ATXN1: variants seen among roughly 807,000 people sequenced by gnomAD.
The protein encoded by ATXN1 is ataxin 1, also known as ataxin-1.
ATXN1 carries 8 observed loss-of-function variants against 56.4 expected under a neutral mutation model. The observed-to-expected ratio is 0.14, with a 90% CI of 0.08 to 0.26. ATXN1 has a LOEUF of 0.26. Ranked by LOEUF, ATXN1 falls within the 10% of genes least tolerant of loss-of-function variation. The pLI, the probability that ATXN1 is intolerant of heterozygous loss-of-function variation, is 1.00. For synonymous variants in ATXN1, 514 were observed against 494.6 expected (o/e 1.04, Z -0.52); for missense variants, 987 against 1,106.5 (o/e 0.89, Z 1.53).
At chr6:16,342,724 T>C (rs889093668) in intron 6 of ATXN1, among the ~76,000 whole-genome samples, 1 of 152,256 alleles carries the variant, frequency 6.6e-6, no homozygotes, top group Non-Finnish European at 1.5e-5. Flanking sequence ...TTACATGCTA[T>C]GACATTGATA....
chr6:16,511,501 T>C (rs546500830), intron 5 of ATXN1, among the ~76,000 whole-genome samples: 5 of 152,326 alleles, frequency 3.3e-5, no homozygotes, highest in African/African-American at 1.2e-4. Flanking sequence ...GATTGACATA[T>C]GTTTCCTTCA....
intron 2 of ATXN1, among the ~76,000 whole-genome samples, chr6:16,736,556 C>G (rs1760140996): frequency 6.6e-6 from 1 of 152,100 alleles, no homozygotes. Flanking sequence ...GTACAATTAG[C>G]CAAAACTGAA....
intron 4 of ATXN1, among the ~76,000 whole-genome samples, chr6:16,569,528 G>GAAAAAAAAAA (rs60416047): frequency 1.0e-5 from 1 of 96,404 alleles, no homozygotes; most frequent in Admixed American, 1.2e-4. Context: ...CTCCGTCTCA[G>GAAAAAAAAAA]AAAAAAAAAA....
chr6:16,714,183 A>ACACACC (rs1759589361), intron 2 of ATXN1, among the ~76,000 whole-genome samples: 1 of 60,538 alleles, frequency 1.7e-5, no homozygotes, highest in South Asian at 4.2e-4. Flanking sequence ...ACCACACACC[A>ACACACC]CACACACACA....
At chr6:16,448,894 C>A (rs10484362) in intron 6 of ATXN1, among the ~76,000 whole-genome samples, 63,452 of 152,038 alleles carry the variant, frequency 0.42, 14,389 homozygotes, top group East Asian at 0.81. Context: ...GGCTCTACAT[C>A]TTCAAGATTT....
intron 3 of ATXN1, among the ~76,000 whole-genome samples, chr6:16,598,516 A>G (rs1038858983): frequency 1.3e-5 from 2 of 152,190 alleles, no homozygotes; most frequent in African/African-American, 4.8e-5. Context: ...CCTCAAGTTC[A>G]TCCGCTGTAA....
intron 6 of ATXN1, among the ~76,000 whole-genome samples, chr6:16,373,436 A>G (rs1762084496): frequency 6.6e-6 from 1 of 152,280 alleles, no homozygotes; most frequent in East Asian, 1.9e-4. Context: ...GATCTGTCCC[A>G]CACACGTGTC....
intron 5 of ATXN1, among the ~76,000 whole-genome samples, chr6:16,515,978 G>A (rs1249947489): frequency 6.6e-6 from 1 of 152,200 alleles, no homozygotes; most frequent in South Asian, 2.1e-4. Flanking sequence ...GATGGGACCA[G>A]ATGACTTGTG....
At chr6:16,756,767 TAC>T (rs1288411250) in intron 1 of ATXN1, among the ~76,000 whole-genome samples, 9 of 152,356 alleles carry the variant, frequency 5.9e-5, no homozygotes, top group African/African-American at 2.2e-4. Flanking sequence ...TTCAGATAAC[TAC>T]AGTTTAAAGA....
intron 3 of ATXN1, among the ~76,000 whole-genome samples, chr6:16,586,312 CTCTTTCTCTA>C (rs1762623568): frequency 6.6e-6 from 1 of 152,220 alleles, no homozygotes; most frequent in African/African-American, 2.4e-5. Flanking sequence ...ATTTGATGCT[CTCTTTCTCTA>C]AGACTCCTTC....
chr6:16,380,687 G>C (rs1758085929), intron 6 of ATXN1, among the ~76,000 whole-genome samples: 1 of 152,032 alleles, frequency 6.6e-6, no homozygotes, highest in Non-Finnish European at 1.5e-5. Flanking sequence ...GGGAGTGTGA[G>C]ATTACATCAC....
intron 6 of ATXN1, among the ~76,000 whole-genome samples, chr6:16,422,750 G>A (rs559462297): frequency 6.6e-6 from 1 of 152,216 alleles, no homozygotes; most frequent in African/African-American, 2.4e-5. Context: ...TAGGGAAAAC[G>A]CTACAAAAAA....
At chr6:16,490,617 C>G (rs235149) in intron 5 of ATXN1, among the ~76,000 whole-genome samples, 34,045 of 152,126 alleles carry the variant, frequency 0.22, 4,229 homozygotes, top group East Asian at 0.34. Flanking sequence ...ATGTCTGATA[C>G]AGTTCACTAG....
chr6:16,706,059 T>C (rs1265219363), intron 2 of ATXN1, among the ~76,000 whole-genome samples: 2 of 152,104 alleles, frequency 1.3e-5, no homozygotes, highest in Admixed American at 6.6e-5. Context: ...AAACTGCTTA[T>C]TGCTCCTTCA....
At chr6:16,409,375 A>T (rs1758751666) in intron 6 of ATXN1, among the ~76,000 whole-genome samples, 1 of 152,134 alleles carries the variant, frequency 6.6e-6, no homozygotes, top group South Asian at 2.1e-4. Context: ...CTTGCTGGCC[A>T]GGCACCGTGG....
intron 7 of ATXN1, among the ~76,000 whole-genome samples, chr6:16,308,656 G>A (rs1326335613): frequency 6.6e-6 from 1 of 152,134 alleles, no homozygotes; most frequent in African/African-American, 2.4e-5. Flanking sequence ...CTGAAGCTCA[G>A]ATTGACTCAT....
chr6:16,465,398 C>T (rs1198739512), intron 6 of ATXN1, among the ~76,000 whole-genome samples: 5 of 151,970 alleles, frequency 3.3e-5, no homozygotes, highest in African/African-American at 7.3e-5. Context: ...CGGAGGTTGC[C>T]GTGAGCCAAG....
intron 4 of ATXN1, among the ~76,000 whole-genome samples, chr6:16,573,526 A>G (rs1009667441): frequency 1.3e-5 from 2 of 151,776 alleles, no homozygotes; most frequent in African/African-American, 4.8e-5. Context: ...CCCTACATAC[A>G]TTGTCACCGG....
At chr6:16,657,233 C>T (rs1448642647) in intron 3 of ATXN1, among the ~76,000 whole-genome samples, 5 of 152,054 alleles carry the variant, frequency 3.3e-5, no homozygotes, top group South Asian at 2.1e-4. Flanking sequence ...GTGATCCGCG[C>T]GCCTCGGCCT....
Sources: allele counts gnomAD v4.1 joint callset (sites outside exome capture counted in the v4.1 genomes callset), GRCh38; gene constraint gnomAD v4.1.1; transcripts MANE v1.5; gene names NCBI Gene and HGNC (gene_info 2026-07-23, HGNC 2026-07-21).